The following COG5 variants were observed in gnomAD, a reference collection of about 807,000 sequenced individuals.
COG5 encodes component of oligomeric golgi complex 5, also known as conserved oligomeric Golgi complex subunit 5.
In COG5, 86 loss-of-function variants were observed where a neutral mutation model predicts 110.4. That is an observed-to-expected ratio of 0.78 (90% CI 0.65 to 0.93). The LOEUF is 0.93. Among genes scored for constraint, COG5 ranks in the 40% least tolerant of loss-of-function variants. COG5 has a pLI of 0.00. For synonymous variants in COG5, 360 were observed against 334.6 expected (o/e 1.08, Z -0.83); for missense variants, 1,077 against 987.0 (o/e 1.09, Z -1.22).
rs76610857 is a variant in COG5, at chr7:107,499,103, C to A, written c.538+28134G>T. On this transcript the variant is annotated intron_variant, in intron 6 of 21. Transcript: ENST00000297135. ...ATAAGGTATCTAAAATAGACAAATG[C>A]ATGGAAGCGAATAATGGAATTGTGG... Among the ~76,000 whole-genome samples the A allele has an allele frequency of 5.5e-3, 842 of 152,052 alleles. 8 individuals carry two copies. Among genetic ancestry groups the A allele is most frequent in the African/African-American group, 0.02 (811 of 41,452 alleles).
rs1799117898 is a variant in COG5, at chr7:107,210,989, A to G, written c.2295+110T>C. ...TCACTGTCAAAGATAGACATAAGCA[A>G]CTAAACAAAGCAGCAGAGGGCCAGG... is the stretch of plus-strand genomic sequence containing the variant. On this transcript the variant is annotated intron_variant, in intron 20 of 21. Transcript: ENST00000297135. 2.3e-6 allele frequency: 3 copies of G among 1,279,128 alleles called. No homozygotes were observed. The African/African-American group carries it at 4.4e-5, about 19-fold the overall frequency. 79.2% of individuals were successfully genotyped at this position (1,279,128 alleles called of 1,614,324 possible).
intron 6 of COG5, among the ~76,000 whole-genome samples, chr7:107,454,013 A>T (rs1344063989): frequency 6.6e-6 from 1 of 152,180 alleles, no homozygotes; most frequent in African/African-American, 2.4e-5. Flanking sequence ...TAATGATACT[A>T]TTTTAAGTTC....
chr7:107,353,039 G>A (rs543296894), intron 10 of COG5, among the ~76,000 whole-genome samples: 1 of 152,288 alleles, frequency 6.6e-6, no homozygotes, highest in African/African-American at 2.4e-5. Context: ...TGGTTTTAAA[G>A]ATACCAACAT....
intron 7 of COG5, among the ~76,000 whole-genome samples, chr7:107,388,473 T>C (rs910025802): frequency 6.6e-6 from 1 of 152,176 alleles, no homozygotes; most frequent in Non-Finnish European, 1.5e-5. Flanking sequence ...AGGCATCCCA[T>C]ATAACTCCCA....
At chr7:107,421,731 A>G (rs1793307232) in intron 6 of COG5, among the ~76,000 whole-genome samples, 1 of 151,176 alleles carries the variant, frequency 6.6e-6, no homozygotes, top group East Asian at 1.9e-4. Flanking sequence ...GCGCCACTGC[A>G]CTCCAGCCTG....
rs187221384 is a variant in COG5, at chr7:107,439,397, C to T, written c.539-26765G>A. 5.9e-5 allele frequency among the ~76,000 whole-genome samples: 9 copies of T among 152,206 alleles called. No individual in the cohort carries two copies. In the East Asian group the frequency reaches 1.3e-3, roughly 23 times the overall value. On this transcript the variant is annotated intron_variant, in intron 6 of 21. Coordinates refer to ENST00000297135, the MANE Select transcript of COG5 (RefSeq NM_006348.5). ...GTATTCTATTTGGATTTGCTCTCCCCGTTTTCTCGAGCCCATTATAAATAG... is the reference window on the plus strand; with the variant it reads ...GTATTCTATTTGGATTTGCTCTCCCTGTTTTCTCGAGCCCATTATAAATAG...
chr7:107,242,370 T>C (rs573638485), intron 17 of COG5, among the ~76,000 whole-genome samples: 6 of 152,292 alleles, frequency 3.9e-5, no homozygotes, highest in South Asian at 2.1e-4. Flanking sequence ...CCGAGTCTAC[T>C]AGGGACTGGA....
In COG5 at chr7:107,563,818, C is replaced by A. The variant is rs774446414; in HGVS notation, c.79G>T (p.Glu27Ter). 2 of 1,613,892 alleles carry A rather than the reference C, an allele frequency of 1.2e-6. No homozygotes were observed. The highest frequency in any genetic ancestry group is 2.2e-5 in the South Asian group (2 of 91,068). Residue 27 changes from glutamate to a stop codon, truncating the protein, a stop_gained, in exon 1 of 22, where the codon GAA (glutamate) becomes TAA (stop). Coordinates refer to ENST00000297135, the MANE Select transcript of COG5 (RefSeq NM_006348.5). LOFTEE classifies it high-confidence loss of function. The part of the protein sequence containing the change: ...GSGAAAATVR[E>*]LLQDGCYSDF... ...GTCTCCTTACCGTCCTGCAGAAGTT[C>A]CCGGACTGTAGCTGCAGCCGCTCCA...
intron 18 of COG5, among the ~76,000 whole-genome samples, chr7:107,232,473 A>G (rs921601479): frequency 2.6e-5 from 4 of 152,212 alleles, no homozygotes; most frequent in African/African-American, 9.6e-5. Context: ...CAATTTCTCA[A>G]CTACTCTAGT....
At chr7:107,278,076 A>G (rs1162075814) in intron 14 of COG5, among the ~76,000 whole-genome samples, 1 of 152,070 alleles carries the variant, frequency 6.6e-6, no homozygotes, top group Non-Finnish European at 1.5e-5. Flanking sequence ...TCTATAACCA[A>G]TCTTTAGGGA....
intron 4 of COG5, 40 bp downstream of exon 4, chr7:107,548,238 A>G: frequency 6.2e-7 from 1 of 1,603,822 alleles, no homozygotes; most frequent in Admixed American, 1.7e-5. Context: ...ATGGATAAAA[A>G]CATTCCCATT....
intron 17 of COG5, among the ~76,000 whole-genome samples, chr7:107,245,305 A>G (rs1054672364): frequency 2.6e-5 from 4 of 152,230 alleles, no homozygotes; most frequent in East Asian, 1.9e-4. Flanking sequence ...AACCAGCACA[A>G]GACAAGGATG....
At chr7:107,478,341 C>T (rs1205919429) in intron 6 of COG5, among the ~76,000 whole-genome samples, 1 of 151,784 alleles carries the variant, frequency 6.6e-6, no homozygotes, top group Non-Finnish European at 1.5e-5. Flanking sequence ...GTACTTCTGA[C>T]CCAAGTCAAT....
intron 7 of COG5, among the ~76,000 whole-genome samples, chr7:107,404,682 C>G (rs1204085530): frequency 6.6e-6 from 1 of 151,112 alleles, no homozygotes; most frequent in Non-Finnish European, 1.5e-5. Context: ...GAGAAGGAGA[C>G]AGTATAAGGG....
chr7:107,262,223 C>A (rs60670980), intron 14 of COG5, among the ~76,000 whole-genome samples: 73 of 152,182 alleles, frequency 4.8e-4, no homozygotes, highest in African/African-American at 1.7e-3. Context: ...AATTCAGTAA[C>A]CCCTTGAGAC....
chr7:107,463,992 T>A (rs766301711), intron 6 of COG5, among the ~76,000 whole-genome samples: 5 of 152,068 alleles, frequency 3.3e-5, no homozygotes, highest in Non-Finnish European at 7.4e-5. Flanking sequence ...GAATTGAGCA[T>A]CTCTATTCAA....
In COG5 at chr7:107,535,079, T is replaced by C. The variant is rs934871509; in HGVS notation, c.418-7722A>G. ...TGATCCTGAATGACTACTGGGCAAA[T>C]AACAAAATTAAGGCAGAAATAAATC... On this transcript the variant is annotated intron_variant, in intron 5 of 21. Coordinates refer to ENST00000297135, the MANE Select transcript of COG5 (RefSeq NM_006348.5). 5.9e-5 allele frequency among the ~76,000 whole-genome samples: 9 copies of C among 151,400 alleles called. 1 individual carries two copies. Among genetic ancestry groups the C allele is most frequent in the African/African-American group, 2.2e-4 (9 of 40,804 alleles).
chr7:107,265,139 A>G (rs1405770473), intron 14 of COG5, among the ~76,000 whole-genome samples: 1 of 152,234 alleles, frequency 6.6e-6, no homozygotes. Flanking sequence ...TGCAATCTCT[A>G]TCTCTGAAAG....
At chr7:107,300,706 C>A (rs1241352903) in intron 11 of COG5, among the ~76,000 whole-genome samples, 1 of 151,898 alleles carries the variant, frequency 6.6e-6, no homozygotes, top group Non-Finnish European at 1.5e-5. Flanking sequence ...ATTCACAGTT[C>A]CAAGATATTG....
Sources: gnomAD v4.1 joint callset for allele counts (sites outside exome capture counted in the v4.1 genomes callset) on GRCh38, gnomAD v4.1.1 for gene constraint, MANE v1.5 for transcripts, NCBI Gene and HGNC (gene_info 2026-07-23, HGNC 2026-07-21) for gene names.